Variants in GRIA4 observed in about 807,000 individuals in gnomAD.
GRIA4 encodes glutamate ionotropic receptor AMPA type subunit 4, also known as glutamate receptor 4.
In GRIA4, 34 loss-of-function variants were observed where a neutral mutation model predicts 104.0. The ratio of observed to expected loss-of-function variants is 0.33; its 90% CI spans 0.25 to 0.44. GRIA4 has a LOEUF of 0.44. Among genes scored for constraint, GRIA4 ranks in the 20% least tolerant of loss-of-function variants. GRIA4 has a pLI of 1.00. For synonymous variants in GRIA4, 386 were observed against 381.9 expected (o/e 1.01, Z -0.13); for missense variants, 750 against 1,096.5 (o/e 0.68, Z 4.46).
At chr11:105,648,145 A>C (rs533577791) in intron 3 of GRIA4, among the ~76,000 whole-genome samples, 76 of 152,036 alleles carry the variant, frequency 5.0e-4, no homozygotes, top group African/African-American at 1.8e-3. Flanking sequence ...TAAATGACAT[A>C]GTGGAGGAAA....
chr11:105,860,147 A>T (rs1945165592), intron 4 of GRIA4, among the ~76,000 whole-genome samples: 1 of 151,942 alleles, frequency 6.6e-6, no homozygotes, highest in Non-Finnish European at 1.5e-5. Context: ...TCTTCGGGGA[A>T]TTTTTTTTCA....
At chr11:105,667,344 A>G (rs1952196686) in intron 3 of GRIA4, among the ~76,000 whole-genome samples, 1 of 151,992 alleles carries the variant, frequency 6.6e-6, no homozygotes, top group African/African-American at 2.4e-5. Flanking sequence ...TAGAAATTAA[A>G]AGGCCCAAAG....
intron 3 of GRIA4, among the ~76,000 whole-genome samples, chr11:105,634,509 GA>G (rs1565420066): frequency 5.5e-4 from 35 of 63,540 alleles, no homozygotes; most frequent in Middle Eastern, 8.2e-3. Context: ...AAGAAAGAAA[GA>G]AAGAAGAAAG....
chr11:105,835,824 C>CT (rs1479703601), intron 4 of GRIA4, among the ~76,000 whole-genome samples: 2 of 151,690 alleles, frequency 1.3e-5, no homozygotes, highest in Non-Finnish European at 2.9e-5. Flanking sequence ...GAAAATGAAT[C>CT]AACTAGCAGA....
At chr11:105,696,888 C>T (rs1027099432) in intron 3 of GRIA4, among the ~76,000 whole-genome samples, 18 of 152,040 alleles carry the variant, frequency 1.2e-4, no homozygotes, top group African/African-American at 4.1e-4. Flanking sequence ...CCTCAGCCCC[C>T]CAAATAGCTG....
At position 105,753,226 on chromosome 11, in the gene GRIA4, T is replaced by C; in HGVS notation, c.487+6T>C. The stretch of plus-strand genomic sequence containing the variant: ...CCTGTATGACACAGACAGGGGTAAG[T>C]CCAGTTTCTTCATCTATTAGAGCAA... On this transcript the variant is annotated splice_donor_region_variant and intron_variant, in intron 4 of 16. Coordinates refer to ENST00000282499, the MANE Select transcript of GRIA4 (RefSeq NM_000829.4). 1 of 1,612,776 alleles carries C rather than the reference T, an allele frequency of 6.2e-7. No individual in the cohort carries two copies. Among genetic ancestry groups the C allele is most frequent in the Admixed American group, 1.7e-5 (1 of 59,990 alleles).
At position 105,718,844 on chromosome 11, in the gene GRIA4, T is replaced by C. The variant is rs1954194994; in HGVS notation, c.248-34137T>C. On this transcript the variant is annotated intron_variant, in intron 3 of 16. Transcript: ENST00000282499. ...TACCAGAGTATTGAAATGGAAAAGATTTGTGCTTGCTGAGGCTCCTTGAGC... is the reference window on the plus strand; with the variant it reads ...TACCAGAGTATTGAAATGGAAAAGACTTGTGCTTGCTGAGGCTCCTTGAGC... Among the ~76,000 whole-genome samples the C allele has an allele frequency of 1.3e-5, 2 of 152,126 alleles. 1 individual carries two copies. The highest frequency in any genetic ancestry group is 4.1e-4 in the South Asian group (2 of 4,830).
intron 14 of GRIA4, among the ~76,000 whole-genome samples, chr11:105,940,768 T>C (rs554081663): frequency 6.6e-6 from 1 of 152,122 alleles, no homozygotes; most frequent in African/African-American, 2.4e-5. Flanking sequence ...TTAGCTTCCT[T>C]TTGTCTCTAA....
chr11:105,794,654 C>A (rs1415727855), intron 4 of GRIA4, among the ~76,000 whole-genome samples: 1 of 148,070 alleles, frequency 6.8e-6, no homozygotes, highest in African/African-American at 2.5e-5. Flanking sequence ...GGTTATATGG[C>A]TATGTAGTAA....
intron 3 of GRIA4, among the ~76,000 whole-genome samples, chr11:105,648,072 A>G (rs1449056665): frequency 6.6e-6 from 1 of 152,060 alleles, no homozygotes; most frequent in Non-Finnish European, 1.5e-5. Context: ...GTATAAAAAT[A>G]ATATCAAATT....
intron 5 of GRIA4, among the ~76,000 whole-genome samples, chr11:105,885,315 T>G (rs952903699): frequency 1.3e-5 from 2 of 152,210 alleles, no homozygotes; most frequent in African/African-American, 4.8e-5. Context: ...TAAACCGAGC[T>G]TTCTCCACAA....
chr11:105,924,328 G>T, intron 11 of GRIA4, 71 bp from the exon 12 acceptor site: 1 of 1,161,928 alleles, frequency 8.6e-7, no homozygotes, highest in Non-Finnish European at 1.2e-6. Flanking sequence ...GCTTTAAATG[G>T]ATCATTCCAG....
intron 3 of GRIA4, among the ~76,000 whole-genome samples, chr11:105,724,822 A>G (rs760108619): frequency 2.6e-5 from 4 of 152,168 alleles, no homozygotes; most frequent in Non-Finnish European, 5.9e-5. Context: ...CCTAAACACT[A>G]ATAATGTGTC....
At chr11:105,656,581 C>G (rs1951853192) in intron 3 of GRIA4, among the ~76,000 whole-genome samples, 1 of 152,064 alleles carries the variant, frequency 6.6e-6, no homozygotes, top group Non-Finnish European at 1.5e-5. Context: ...ACAGAGAGAA[C>G]AGGCAACCTA....
rs34693227 is a variant in GRIA4 at position 105,845,891 on chromosome 11, AAAACAAAC to A, written c.488-16113_488-16106del. Among the ~76,000 whole-genome samples the A allele has an allele frequency of 4.7e-3, 710 of 152,160 alleles. 10 individuals carry two copies. Among genetic ancestry groups the A allele is most frequent in the African/African-American group, 0.016 (671 of 41,522 alleles). On this transcript the variant is annotated intron_variant, in intron 4 of 16. Coordinates refer to ENST00000282499, the MANE Select transcript of GRIA4 (RefSeq NM_000829.4). The stretch of plus-strand genomic sequence containing the variant: ...GGGCGACAGAGAGAGACTCCGTCTC[AAAACAAAC>A]AAACAAACAAACAAACAAAAACTAT...
At chr11:105,727,856 T>C (rs1323881794) in intron 3 of GRIA4, among the ~76,000 whole-genome samples, 1 of 152,148 alleles carries the variant, frequency 6.6e-6, no homozygotes, top group Non-Finnish European at 1.5e-5. Context: ...AGGCCTGCCT[T>C]ACAAGAGCTC....
chr11:105,678,400 G>T lies in GRIA4; in HGVS notation c.247+65966G>T, dbSNP rs79198749. On this transcript the variant is annotated intron_variant, in intron 3 of 16. Transcript: ENST00000282499. ...TCAGAAGATTAAAGAGGGAGTAATA[G>T]CTGAAAATTGTTCTCACTTGTTTTA... Among the ~76,000 whole-genome samples, 1,215 of 152,134 alleles carry T rather than the reference G, an allele frequency of 8.0e-3. 16 individuals carry two copies. The highest frequency in any genetic ancestry group is 0.044 in the East Asian group (228 of 5,174).
At chr11:105,955,137 T>C (rs1028485406) in intron 14 of GRIA4, among the ~76,000 whole-genome samples, 2 of 152,094 alleles carry the variant, frequency 1.3e-5, no homozygotes, top group African/African-American at 4.8e-5. Context: ...TTAATTCTTT[T>C]TTTCTCCTTT....
chr11:105,957,770 G>A (rs1272581585), intron 14 of GRIA4, among the ~76,000 whole-genome samples: 2 of 152,072 alleles, frequency 1.3e-5, no homozygotes, highest in Non-Finnish European at 2.9e-5. Flanking sequence ...ATTTGTTTGT[G>A]TCCTCTTTTA....
Sources: gnomAD v4.1 joint callset for allele counts (sites outside exome capture counted in the v4.1 genomes callset) on GRCh38, gnomAD v4.1.1 for gene constraint, MANE v1.5 for transcripts, NCBI Gene and HGNC (gene_info 2026-07-23, HGNC 2026-07-21) for gene names.